REV1: variants seen among roughly 807,000 people sequenced by gnomAD.
The protein encoded by REV1 is REV1 DNA directed polymerase.
Under a neutral mutation model 137.4 loss-of-function variants are expected in REV1, and 42 were observed. The observed-to-expected ratio is 0.31, with a 90% confidence interval of 0.24 to 0.40. The LOEUF is 0.40. Among genes scored for constraint, REV1 ranks in the 10% least tolerant of loss-of-function variants. REV1 has a pLI of 1.00. For missense variants in REV1, 1,282 were observed against 1,490.1 expected (o/e 0.86, Z 2.30); for synonymous variants, 524 against 519.2 (o/e 1.01, Z -0.12).
At chr2:99,475,011 G>A (rs774179251) in intron 1 of REV1, among the ~76,000 whole-genome samples, 1 of 152,078 alleles carries the variant, frequency 6.6e-6, no homozygotes, top group African/African-American at 2.4e-5. Context: ...TAGTTCCTCC[G>A]TATGTGGAAA....
intron 3 of REV1, among the ~76,000 whole-genome samples, chr2:99,459,171 G>C (rs924360839): frequency 6.7e-6 from 1 of 150,264 alleles, no homozygotes; most frequent in Non-Finnish European, 1.5e-5. Context: ...TCGCGCCACT[G>C]CACTCCAGCC....
chr2:99,411,274 G>A (rs533568868), intron 13 of REV1, among the ~76,000 whole-genome samples: 16 of 151,892 alleles, frequency 1.1e-4, no homozygotes, highest in Admixed American at 1.0e-3. Context: ...GGCGACAGAG[G>A]GAGACTCCGT....
chr2:99,409,721 T>C (rs1032078163), intron 14 of REV1, among the ~76,000 whole-genome samples: 1 of 151,626 alleles, frequency 6.6e-6, no homozygotes, highest in African/African-American at 2.4e-5. Context: ...GCATGCCCCA[T>C]AATCCCAGCT....
intron 14 of REV1, among the ~76,000 whole-genome samples, chr2:99,409,505 T>C (rs909631490): frequency 6.6e-6 from 1 of 152,162 alleles, no homozygotes; most frequent in Non-Finnish European, 1.5e-5. Flanking sequence ...TGGTCACGAA[T>C]CTTACATGAA....
chr2:99,448,419 T>G (rs540791759), intron 4 of REV1, among the ~76,000 whole-genome samples: 1 of 152,242 alleles, frequency 6.6e-6, no homozygotes, highest in African/African-American at 2.4e-5. Context: ...TCAGATGACA[T>G]ATTTAAACTT....
intron 14 of REV1, among the ~76,000 whole-genome samples, chr2:99,410,183 G>A (rs1574993484): frequency 1.3e-5 from 2 of 151,990 alleles, no homozygotes; most frequent in Admixed American, 1.3e-4. Context: ...GCTAATTTTT[G>A]TACTTTTAGT....
chr2:99,481,503 T>G lies in REV1; in HGVS notation c.-11+8314A>C, dbSNP rs569993249. On this transcript the variant is annotated intron_variant, in intron 1 of 22. Coordinates refer to ENST00000258428, the MANE Select transcript of REV1 (RefSeq NM_016316.4). ...GAGGTAACTGGGTTACTATCACTAC[T>G]ACTAGTTTTAGCTGTCATAAATTGA... Among the ~76,000 whole-genome samples the G allele has an allele frequency of 2.0e-3, 309 of 152,342 alleles. 2 individuals carry two copies. The highest frequency in any genetic ancestry group is 7.2e-3 in the African/African-American group (301 of 41,578).
chr2:99,439,886 A>C (rs1681256431), intron 5 of REV1, among the ~76,000 whole-genome samples: 1 of 152,204 alleles, frequency 6.6e-6, no homozygotes, highest in African/African-American at 2.4e-5. Flanking sequence ...ATTAAATCTA[A>C]TACGAAACCA....
In REV1 at chr2:99,412,767, A is replaced by G; in HGVS notation, c.2136T>C (p.Val712=). 1.2e-6 allele frequency: 2 copies of G among 1,614,154 alleles called. No homozygotes were observed. The highest frequency in any genetic ancestry group is 1.7e-6 in the Non-Finnish European group (2 of 1,180,004). The change falls in exon 13 of 23, where the codon GTT becomes GTC. Residue 712 remains valine (V), a synonymous_variant. Coordinates refer to ENST00000258428, the MANE Select transcript of REV1 (RefSeq NM_016316.4). Reference sequence around the variant, plus strand: ...TTATTCCATAGTTGATCTCAGCTGAAACAGATTTTCTTTCCTTTTCAGTTC... The same window carrying G: ...TTATTCCATAGTTGATCTCAGCTGAGACAGATTTTCTTTCCTTTTCAGTTC... The part of the protein sequence containing the change: ...PVRTEKERKS[V]SAEINYGIRF...
intron 1 of REV1, among the ~76,000 whole-genome samples, chr2:99,473,571 T>C (rs1046368472): frequency 1.3e-5 from 2 of 152,188 alleles, no homozygotes; most frequent in African/African-American, 4.8e-5. Flanking sequence ...TTTAAAAATA[T>C]ACAAGTCTAA....
At chr2:99,454,841 T>C (rs767770788) in intron 3 of REV1, among the ~76,000 whole-genome samples, 1 of 152,196 alleles carries the variant, frequency 6.6e-6, no homozygotes, top group African/African-American at 2.4e-5. Flanking sequence ...AAACCAGACA[T>C]AGTGACAGAC....
chr2:99,481,770 G>A (rs1345383236), intron 1 of REV1, among the ~76,000 whole-genome samples: 1 of 152,088 alleles, frequency 6.6e-6, no homozygotes, highest in African/African-American at 2.4e-5. Flanking sequence ...TGGGGAGGCT[G>A]AGGCAGGAGG....
Position 99,450,812 on chromosome 2 carries a change from T to G in REV1, c.182-1308A>C, listed in dbSNP as rs28369959. Among the ~76,000 whole-genome samples, 694 of 152,336 alleles carry G rather than the reference T, an allele frequency of 4.6e-3. 6 individuals carry two copies. Among genetic ancestry groups the G allele is most frequent in the African/African-American group, 0.016 (674 of 41,582 alleles). ...CTTTTTTCTTCTTAAATCTCTGGAATCCAGTGGGTATTTTACATTTACAAC... is the reference window on the plus strand; with the variant it reads ...CTTTTTTCTTCTTAAATCTCTGGAAGCCAGTGGGTATTTTACATTTACAAC... On this transcript the variant is annotated intron_variant, in intron 3 of 22. Coordinates refer to ENST00000258428, the MANE Select transcript of REV1 (RefSeq NM_016316.4).
At chr2:99,442,580 T>C (rs1681658297) in intron 4 of REV1, 111 bp from the exon 5 acceptor site, 1 of 1,003,014 alleles carries the variant, frequency 1.0e-6, no homozygotes, top group Non-Finnish European at 1.5e-6. Flanking sequence ...ACAGGTCATC[T>C]GTTTTCCTAG....
chr2:99,410,661 A>G, intron 14 of REV1, 34 bp downstream of exon 14: 2 of 1,536,532 alleles, frequency 1.3e-6, no homozygotes, highest in African/African-American at 1.4e-5. Flanking sequence ...GTACTGAAAT[A>G]TAATTACCAA....
chr2:99,405,763 T>C (rs1676192059), intron 17 of REV1, 147 bp downstream of exon 17: 2 of 511,932 alleles, frequency 3.9e-6, no homozygotes, highest in East Asian at 3.3e-5. Flanking sequence ...TCCAACATCA[T>C]GATCTACCCA....
At chr2:99,485,120 G>A (rs891467239) in intron 1 of REV1, among the ~76,000 whole-genome samples, 4 of 152,168 alleles carry the variant, frequency 2.6e-5, no homozygotes, top group Admixed American at 6.5e-5. Context: ...AGTTCAGACT[G>A]AGAAATGAAA....
intron 1 of REV1, among the ~76,000 whole-genome samples, chr2:99,468,337 T>G (rs538819494): frequency 5.9e-5 from 9 of 152,200 alleles, no homozygotes; most frequent in Non-Finnish European, 1.2e-4. Context: ...CTTCTTTAAA[T>G]AGGACTTTCC....
chr2:99,468,048 C>T (rs182990390), intron 1 of REV1, among the ~76,000 whole-genome samples: 6 of 152,114 alleles, frequency 3.9e-5, no homozygotes, highest in African/African-American at 9.6e-5. Flanking sequence ...GGCATGGTGG[C>T]GCATGCCTGT....
Sources: allele counts gnomAD v4.1 joint callset (sites outside exome capture counted in the v4.1 genomes callset), GRCh38; gene constraint gnomAD v4.1.1; transcripts MANE v1.5; gene names NCBI Gene and HGNC (gene_info 2026-07-23, HGNC 2026-07-21).